The following CSMD1 variants were observed in gnomAD, a reference collection of about 807,000 sequenced individuals.
The protein encoded by CSMD1 is CUB and Sushi multiple domains 1.
CSMD1 carries 213 observed loss-of-function variants against 417.5 expected under a neutral mutation model. The observed-to-expected ratio is 0.51, with a 90% CI of 0.46 to 0.57. The LOEUF (loss-of-function observed/expected upper bound fraction) is 0.57. CSMD1 is among the 20% of genes least tolerant of loss of function. CSMD1 has a pLI of 0.00. For missense variants in CSMD1, 6,923 were observed against 4,529.7 expected (o/e 1.53, Z -15.17); for synonymous variants, 2,862 against 1,736.8 (o/e 1.65, Z -16.11).
intron 8 of CSMD1, among the ~76,000 whole-genome samples, chr8:3,587,630 T>C (rs1427285874): frequency 6.6e-6 from 1 of 152,132 alleles, no homozygotes; most frequent in Non-Finnish European, 1.5e-5. Context: ...TAACACTCTC[T>C]AGGGATTGCC....
intron 8 of CSMD1, among the ~76,000 whole-genome samples, chr8:3,612,979 T>A (rs1474362101): frequency 6.6e-6 from 1 of 152,160 alleles, no homozygotes; most frequent in Admixed American, 6.5e-5. Context: ...CAGAAATGTA[T>A]GTAAAAGTAA....
intron 7 of CSMD1, among the ~76,000 whole-genome samples, chr8:3,679,735 C>G (rs988382895): frequency 1.3e-5 from 2 of 152,156 alleles, no homozygotes; most frequent in African/African-American, 2.4e-5. Flanking sequence ...AATATACATT[C>G]TTCTCAGCAT....
At chr8:3,990,211 G>A (rs1239008711) in intron 5 of CSMD1, among the ~76,000 whole-genome samples, 38 of 152,204 alleles carry the variant, frequency 2.5e-4, no homozygotes, top group East Asian at 1.9e-4. Context: ...ACAAACAACA[G>A]GTATTTCATA....
At chr8:4,175,641 C>G (rs938952189) in intron 3 of CSMD1, among the ~76,000 whole-genome samples, 1 of 152,066 alleles carries the variant, frequency 6.6e-6, no homozygotes, top group Non-Finnish European at 1.5e-5. Flanking sequence ...ATGGCAAAAA[C>G]TTGAAGTCAG....
chr8:4,245,617 T>C (rs191019599), intron 3 of CSMD1, among the ~76,000 whole-genome samples: 47 of 152,262 alleles, frequency 3.1e-4, no homozygotes, highest in Non-Finnish European at 3.1e-4. Flanking sequence ...TGGTCAACAA[T>C]GTCATAATCA....
intron 26 of CSMD1, among the ~76,000 whole-genome samples, chr8:3,247,067 G>A (rs537882272): frequency 6.6e-6 from 1 of 152,160 alleles, no homozygotes; most frequent in Non-Finnish European, 1.5e-5. Context: ...AAGGGCAGAA[G>A]TGACTTCAAA....
intron 3 of CSMD1, among the ~76,000 whole-genome samples, chr8:4,089,621 G>A (rs1041366214): frequency 2.6e-5 from 4 of 152,150 alleles, no homozygotes; most frequent in Non-Finnish European, 5.9e-5. Context: ...AAAATTATGT[G>A]CACTATTCTA....
intron 1 of CSMD1, among the ~76,000 whole-genome samples, chr8:4,775,349 C>G (rs138699709): frequency 6.6e-6 from 1 of 151,990 alleles, no homozygotes; most frequent in Non-Finnish European, 1.5e-5. Flanking sequence ...AGGAACACTA[C>G]GAATTTTTAT....
intron 1 of CSMD1, among the ~76,000 whole-genome samples, chr8:4,703,460 C>G (rs935973265): frequency 3.9e-5 from 6 of 152,094 alleles, no homozygotes; most frequent in African/African-American, 1.4e-4. Context: ...CTTGCAATCA[C>G]CAATGTATGG....
intron 5 of CSMD1, among the ~76,000 whole-genome samples, chr8:3,839,272 T>C (rs1469706856): frequency 8.0e-6 from 1 of 124,520 alleles, no homozygotes; most frequent in Non-Finnish European, 1.6e-5. Flanking sequence ...TATATACTAT[T>C]AATATATAAT....
intron 1 of CSMD1, among the ~76,000 whole-genome samples, chr8:4,808,935 G>C (rs1339122715): frequency 6.6e-6 from 1 of 152,196 alleles, no homozygotes; most frequent in Non-Finnish European, 1.5e-5. Flanking sequence ...GTCAGAGATA[G>C]AAATCATTCT....
chr8:4,027,568 C>A (rs75547807), intron 4 of CSMD1, among the ~76,000 whole-genome samples: 1 of 152,124 alleles, frequency 6.6e-6, no homozygotes, highest in Non-Finnish European at 1.5e-5. Flanking sequence ...TCCATCATAA[C>A]TGCATGGTTC....
Position 4,202,799 on chromosome 8 carries a change from C to T in CSMD1, c.416-170700G>A, listed in dbSNP as rs375576456. ...CAGAGAATAAAACTGAGGATTCAAACGTCAGAAAATACCTAGAAAAAGAGG... is the reference window on the plus strand; with the variant it reads ...CAGAGAATAAAACTGAGGATTCAAATGTCAGAAAATACCTAGAAAAAGAGG... On this transcript the variant is annotated intron_variant, in intron 3 of 69. Coordinates refer to ENST00000635120, the MANE Select transcript of CSMD1 (RefSeq NM_033225.6). Among the ~76,000 whole-genome samples the T allele has an allele frequency of 1.4e-3, 208 of 152,214 alleles. No individual in the cohort carries two copies. The Middle Eastern group carries it at 0.02, about 15-fold the overall frequency.
intron 3 of CSMD1, among the ~76,000 whole-genome samples, chr8:4,193,527 C>G (rs1011154442): frequency 6.6e-6 from 1 of 152,078 alleles, no homozygotes; most frequent in Admixed American, 6.5e-5. Context: ...TACCCAAGGA[C>G]TGGCTGAAGA....
chr8:3,969,552 C>T (rs1812933887), intron 5 of CSMD1, among the ~76,000 whole-genome samples: 1 of 152,096 alleles, frequency 6.6e-6, no homozygotes, highest in Non-Finnish European at 1.5e-5. Flanking sequence ...AAAATAAAAT[C>T]CACATCAGAA....
chr8:4,298,419 C>G (rs1797800586), intron 3 of CSMD1, among the ~76,000 whole-genome samples: 1 of 152,008 alleles, frequency 6.6e-6, no homozygotes, highest in African/African-American at 2.4e-5. Context: ...AGACACTAGA[C>G]TGTTATACAA....
intron 3 of CSMD1, among the ~76,000 whole-genome samples, chr8:4,312,537 G>A (rs1045778183): frequency 7.3e-5 from 11 of 150,852 alleles, no homozygotes; most frequent in Admixed American, 4.0e-4. Context: ...TGAGAATGAT[G>A]AAATTGAAAG....
chr8:4,531,070 T>C (rs1231135398), intron 2 of CSMD1, among the ~76,000 whole-genome samples: 1 of 152,198 alleles, frequency 6.6e-6, no homozygotes, highest in African/African-American at 2.4e-5. Flanking sequence ...TATCATTTTT[T>C]GTTACTATAA....
chr8:3,612,377 T>G (rs1293362526), intron 8 of CSMD1, among the ~76,000 whole-genome samples: 1 of 151,812 alleles, frequency 6.6e-6, no homozygotes, highest in Non-Finnish European at 1.5e-5. Flanking sequence ...GATAAATCTC[T>G]CTCAATCACA....
Sources: gnomAD v4.1 joint callset for allele counts (sites outside exome capture counted in the v4.1 genomes callset) on GRCh38, gnomAD v4.1.1 for gene constraint, MANE v1.5 for transcripts, NCBI Gene and HGNC (gene_info 2026-07-23, HGNC 2026-07-21) for gene names.